The following PTPRZ1 variants were observed in gnomAD, a reference collection of about 807,000 sequenced individuals.
PTPRZ1 encodes receptor-type tyrosine-protein phosphatase zeta.
Under a neutral mutation model 214.1 loss-of-function variants are expected in PTPRZ1, and 82 were observed. The ratio of observed to expected loss-of-function variants is 0.38; its 90% CI spans 0.32 to 0.46. PTPRZ1 has a LOEUF of 0.46. Among genes scored for constraint, PTPRZ1 ranks in the 20% least tolerant of loss-of-function variants. The pLI is 1.00. For missense variants in PTPRZ1, 2,603 were observed against 2,748.7 expected, an observed-to-expected ratio of 0.95 and a Z score of 1.19; for synonymous variants, 945 against 987.9, an observed-to-expected ratio of 0.96 and a Z score of 0.81.
intron 1 of PTPRZ1, among the ~76,000 whole-genome samples, chr7:121,917,749 C>T (rs552437492): frequency 7.9e-5 from 12 of 151,854 alleles, no homozygotes; most frequent in Admixed American, 3.9e-4. Context: ...TGTGACTTGT[C>T]CAAGGTCATC....
chr7:121,901,735 C>A (rs532180654), intron 1 of PTPRZ1, among the ~76,000 whole-genome samples: 14 of 152,052 alleles, frequency 9.2e-5, no homozygotes, highest in Non-Finnish European at 1.9e-4. Context: ...TGACACATAA[C>A]AATTGTACAT....
intron 11 of PTPRZ1, among the ~76,000 whole-genome samples, chr7:122,009,189 CT>C (rs1211396933): frequency 2.6e-5 from 4 of 152,054 alleles, no homozygotes; most frequent in Admixed American, 6.6e-5. Flanking sequence ...AATAATTAAG[CT>C]GTAAATAATG....
chr7:121,993,216 A>G (rs928391164), intron 8 of PTPRZ1, among the ~76,000 whole-genome samples: 1 of 152,136 alleles, frequency 6.6e-6, no homozygotes, highest in African/African-American at 2.4e-5. Flanking sequence ...TTGATTTTCA[A>G]TCCAGAAAAT....
Position 122,010,637 on chromosome 7 carries a change from G to A in PTPRZ1, c.1591G>A (p.Val531Met), listed in dbSNP as rs1368198544. 17 of 1,613,398 alleles carry A rather than the reference G, an allele frequency of 1.1e-5. No homozygotes were observed. Among genetic ancestry groups the A allele is most frequent in the Non-Finnish European group, 1.4e-5 (16 of 1,179,446 alleles). The change falls in exon 12 of 30, where the codon GTG (valine) becomes ATG (methionine). Residue 531 changes from valine (V) to methionine (M), a missense_variant. Coordinates refer to ENST00000393386, the MANE Select transcript of PTPRZ1 (RefSeq NM_002851.3). ...TGTGACTGAACTGCCACCTCACACT[G>A]TGGAAGGTACTTCAGCCTCTTTAAA... is the stretch of plus-strand genomic sequence containing the variant. ...QTVTELPPHT[V>M]EGTSASLNDG...
intron 2 of PTPRZ1, among the ~76,000 whole-genome samples, chr7:121,956,529 T>C (rs1295211837): frequency 6.6e-6 from 1 of 152,194 alleles, no homozygotes; most frequent in Non-Finnish European, 1.5e-5. Context: ...CTTTCAGAAA[T>C]GAAATGAAAA....
At chr7:121,897,426 T>C (rs1344870083) in intron 1 of PTPRZ1, among the ~76,000 whole-genome samples, 2 of 152,208 alleles carry the variant, frequency 1.3e-5, no homozygotes, top group Non-Finnish European at 2.9e-5. Flanking sequence ...TTTTTTACAT[T>C]GATACTGTGG....
intron 27 of PTPRZ1, among the ~76,000 whole-genome samples, chr7:122,056,453 C>CA (rs1474178497): frequency 1.3e-5 from 2 of 151,458 alleles, no homozygotes; most frequent in African/African-American, 4.8e-5. Flanking sequence ...TAACAAAGAT[C>CA]AAAAAAGAAG....
At position 122,034,808 on chromosome 7, in the gene PTPRZ1, T is replaced by A. The variant is rs368539980; in HGVS notation, c.5284+430T>A. Among the ~76,000 whole-genome samples, 8 of 152,284 alleles carry A rather than the reference T, an allele frequency of 5.3e-5. No individual in the cohort carries two copies. In the East Asian group the frequency reaches 1.5e-3, roughly 29 times the overall value. On this transcript the variant is annotated intron_variant, in intron 17 of 29. Coordinates refer to ENST00000393386, the MANE Select transcript of PTPRZ1 (RefSeq NM_002851.3). ...ACCTGTTTCCTCCCTTTCTTGGCAT[T>A]CTTCCTGGGGTCTTATAAAGAATTA...
In PTPRZ1 at chr7:122,013,498, T is replaced by C. The variant is rs1031848580; in HGVS notation, c.4452T>C (p.Asp1484=). The change falls in exon 12 of 30, where the codon GAT becomes GAC. Residue 1484 remains aspartate (D), a synonymous_variant. Transcript: ENST00000393386. ...CACTATCTGAGAATTCTGAAGAAGA[T>C]AATAGAGTCACAAGTGTATCCTCAG... The part of the protein sequence containing the change: ...SYSLSENSEE[D]NRVTSVSSDS... 14 of 1,614,094 alleles carry C rather than the reference T, an allele frequency of 8.7e-6. No homozygotes were observed. Among genetic ancestry groups the C allele is most frequent in the East Asian group, 2.2e-5 (1 of 44,890 alleles).
At chr7:122,016,943 C>T (rs1412881501) in intron 12 of PTPRZ1, among the ~76,000 whole-genome samples, 1 of 152,046 alleles carries the variant, frequency 6.6e-6, no homozygotes, top group Non-Finnish European at 1.5e-5. Flanking sequence ...CCCTTACACA[C>T]AGAGTTTCTG....
rs560156569 is a variant in PTPRZ1, at chr7:122,011,971, G to T, written c.2925G>T (p.Ser975=). Residue 975 remains serine, a synonymous_variant, in exon 12 of 30, where the codon TCG becomes TCT. Coordinates refer to ENST00000393386, the MANE Select transcript of PTPRZ1 (RefSeq NM_002851.3). ...GPSHIPIPKS[S]LITPTASLLQ... is the part of the protein sequence containing the mutation. ...GCCATATACCAATACCTAAGTCTTC[G>T]TTAATAACCCCAACTGCATCATTAC... 4.0e-5 allele frequency: 64 copies of T among 1,614,000 alleles called. No homozygotes were observed. Among genetic ancestry groups the T allele is most frequent in the Non-Finnish European group, 5.0e-5 (59 of 1,179,990 alleles).
At chr7:121,983,012 C>T (rs1022786627) in intron 6 of PTPRZ1, among the ~76,000 whole-genome samples, 6 of 152,190 alleles carry the variant, frequency 3.9e-5, no homozygotes, top group Non-Finnish European at 5.9e-5. Context: ...CTCCTGACTT[C>T]GTGATCCACC....
intron 2 of PTPRZ1, among the ~76,000 whole-genome samples, chr7:121,945,861 G>C (rs1447845834): frequency 1.3e-5 from 2 of 152,178 alleles, no homozygotes; most frequent in Non-Finnish European, 2.9e-5. Flanking sequence ...AAGAATGTTA[G>C]ACTTAGTGAT....
chr7:121,930,284 A>T (rs1449803982), intron 2 of PTPRZ1, among the ~76,000 whole-genome samples: 1 of 152,198 alleles, frequency 6.6e-6, no homozygotes, highest in Non-Finnish European at 1.5e-5. Flanking sequence ...TCTATAAAAT[A>T]CTACTTTTGA....
chr7:122,004,501 C>T, intron 10 of PTPRZ1, 113 bp from the exon 11 acceptor site: 1 of 613,210 alleles, frequency 1.6e-6, no homozygotes, highest in South Asian at 1.8e-5. Context: ...ATTTTCAAAG[C>T]TGACATTAAC....
intron 1 of PTPRZ1, among the ~76,000 whole-genome samples, chr7:121,879,524 G>A (rs1356989347): frequency 1.3e-5 from 2 of 152,198 alleles, no homozygotes; most frequent in Non-Finnish European, 2.9e-5. Flanking sequence ...CAAATGATGG[G>A]AAGTGCAGTT....
chr7:121,947,399 G>A (rs1299705170), intron 2 of PTPRZ1, among the ~76,000 whole-genome samples: 8 of 152,052 alleles, frequency 5.3e-5, no homozygotes, highest in Non-Finnish European at 1.5e-5. Context: ...GACGATGCAT[G>A]AAAATTTTAA....
In PTPRZ1 at chr7:121,930,110, G is replaced by A. The variant is rs146623391; in HGVS notation, c.124+1889G>A. On this transcript the variant is annotated intron_variant, in intron 2 of 29. Transcript: ENST00000393386. ...CTCTTCAGTGCAATAAGTTAAATTA[G>A]AACCTGGAAAACAATCAAGATGTTT... 2.9e-3 allele frequency among the ~76,000 whole-genome samples: 440 copies of A among 151,968 alleles called. 2 individuals carry two copies. The highest frequency in any genetic ancestry group is 1.0e-2 in the African/African-American group (413 of 41,480).
intron 2 of PTPRZ1, among the ~76,000 whole-genome samples, chr7:121,932,145 A>G (rs749062620): frequency 1.1e-4 from 16 of 152,192 alleles, no homozygotes; most frequent in South Asian, 2.1e-4. Flanking sequence ...AGATGACATA[A>G]TTATTTTGTC....
Sources: allele counts gnomAD v4.1 joint callset (sites outside exome capture counted in the v4.1 genomes callset), GRCh38; gene constraint gnomAD v4.1.1; transcripts MANE v1.5; gene names NCBI Gene and HGNC (gene_info 2026-07-23, HGNC 2026-07-21).